Variants in XYLT2 observed in about 807,000 individuals in gnomAD.
The protein encoded by XYLT2 is UDP-D-xylose:proteoglycan core protein beta-D-xylosyltransferase.
In XYLT2, 37 loss-of-function variants were observed where a neutral mutation model predicts 82.6. The ratio of observed to expected loss-of-function variants is 0.45; its 90% CI spans 0.34 to 0.59. XYLT2 has a LOEUF of 0.59. Ranked by LOEUF, XYLT2 falls within the 20% of genes least tolerant of loss-of-function variation. The probability of loss-of-function intolerance (pLI) is 0.01; values close to 1 mark genes in which losing one functional copy is unlikely to be tolerated. For missense variants in XYLT2, 934 were observed against 1,181.3 expected (o/e 0.79, Z 3.07); for synonymous variants, 474 against 499.0 (o/e 0.95, Z 0.67).
rs377456488 is a variant in XYLT2 at position 50,356,609 on chromosome 17, C to T, written c.1581C>T (p.Pro527=). ...ACTTCCACCTGTATGGCAGCTACCC[C>T]CCCGGCACGCCAGCCCTCAAGGCCT... The part of the protein sequence containing the change: ...ILDFHLYGSY[P]PGTPALKAYW... Residue 527 remains proline, a synonymous_variant, in exon 8 of 11, where the codon CCC becomes CCT. Coordinates refer to ENST00000017003, the MANE Select transcript of XYLT2 (RefSeq NM_022167.4). 35 of 1,614,038 alleles carry T rather than the reference C, an allele frequency of 2.2e-5. No individual in the cohort carries two copies. The highest frequency in any genetic ancestry group is 3.3e-4 in the Middle Eastern group (2 of 6,084).
chr17:50,346,358 G>C lies in XYLT2; in HGVS notation c.135+83G>C, dbSNP rs1453737796. Reference sequence around the variant, plus strand: ...CGGGGCTGCGGGCGGCCCCAGCCGGGGAAGTGGGGCACGGGCCGCGTGCGT... The same window carrying C: ...CGGGGCTGCGGGCGGCCCCAGCCGGCGAAGTGGGGCACGGGCCGCGTGCGT... On this transcript the variant is annotated intron_variant, in intron 1 of 10. Transcript: ENST00000017003. This position sits in a 1 kb window ranked among gnomAD's most constrained non-coding sequence, Gnocchi z 5.1. The C allele has an allele frequency of 1.0e-6, 1 of 991,886 alleles. No individual in the cohort carries two copies. The highest frequency in any genetic ancestry group is 1.2e-6 in the Non-Finnish European group (1 of 834,738). 61.4% of individuals were successfully genotyped at this position (991,886 alleles called of 1,614,324 possible).
chr17:50,355,368 C>G, intron 4 of XYLT2, 133 bp from the exon 5 acceptor site: 2 of 982,396 alleles, frequency 2.0e-6, no homozygotes, highest in Admixed American at 2.1e-5. Flanking sequence ...GCTCACCACC[C>G]CAGACATCAG....
At position 50,357,248 on chromosome 17, in the gene XYLT2, T is replaced by G; in HGVS notation, c.1937T>G (p.Leu646Arg). 1 of 1,588,650 alleles carries G rather than the reference T, an allele frequency of 6.3e-7. No homozygotes were observed. The highest frequency in any genetic ancestry group is 1.1e-5 in the South Asian group (1 of 88,832). ...GACCAGGCCAGCCGGCTCCAGAGTC[T>G]GGAGGTGGGACAGGTCCCCCACTTG... is the stretch of plus-strand genomic sequence containing the variant. ...RSDQASRLQS[L>R]EVGTDWDPKE... is the part of the protein sequence containing the mutation. The change falls in exon 9 of 11, where the codon CTG (leucine) becomes CGG (arginine). Residue 646 changes from leucine to arginine, a missense_variant. By Grantham distance (102) the Leu-to-Arg change is moderately radical. Around this residue, in one of 3 missense-constraint regions of XYLT2, gnomAD observed 374 missense variants for 465.6 expected, o/e 0.80. Transcript: ENST00000017003.
At chr17:50,349,343 C>T (rs1912160249) in intron 1 of XYLT2, among the ~76,000 whole-genome samples, 1 of 152,158 alleles carries the variant, frequency 6.6e-6, no homozygotes, top group Non-Finnish European at 1.5e-5. Context: ...GATTCCCCAG[C>T]CTGTGGTGCC....
rs747525901 is a variant in XYLT2 at position 50,355,816 on chromosome 17, A to G, written c.1124A>G (p.His375Arg). The G allele has an allele frequency of 1.2e-6, 2 of 1,614,212 alleles. No homozygotes were observed. The highest frequency in any genetic ancestry group is 2.2e-5 in the South Asian group (2 of 91,084). The change falls in exon 6 of 11, where the codon CAT becomes CGT. Residue 375 changes from histidine to arginine, a missense_variant. Physicochemically the swap from His to Arg is conservative, Grantham distance 29. This residue lies in a region of XYLT2 where 189 missense variants were observed against 320.8 expected (regional missense o/e 0.59). Coordinates refer to ENST00000017003, the MANE Select transcript of XYLT2 (RefSeq NM_022167.4). ...AAACAGGGCCTGGACCGGCTCTTCC[A>G]TGAGTGCGACTCACACATGTGGCGC... is the stretch of plus-strand genomic sequence containing the variant. ...IKKQGLDRLFHECDSHMWRLG... is the reference protein window; with the variant it reads ...IKKQGLDRLFRECDSHMWRLG...
At position 50,356,703 on chromosome 17, in the gene XYLT2, A is replaced by C; in HGVS notation, c.1675A>C (p.Thr559Pro). 6.2e-7 allele frequency: 1 copy of C among 1,609,316 alleles called. No homozygotes were observed. Among genetic ancestry groups the C allele is most frequent in the Non-Finnish European group, 8.5e-7 (1 of 1,179,940 alleles). Reference sequence around the variant, plus strand: ...CAGTGATGTCATGCTCACTGCTTACACAGCCTTCGCCCGCCTCAGCCTGCA... The same window carrying C: ...CAGTGATGTCATGCTCACTGCTTACCCAGCCTTCGCCCGCCTCAGCCTGCA... The part of the protein sequence containing the change: ...GLSDVMLTAY[T>P]AFARLSLHHA... Residue 559 changes from threonine (T) to proline (P), a missense_variant, in exon 8 of 11, where the codon ACA becomes CCA. Around this residue, in one of 3 missense-constraint regions of XYLT2, gnomAD observed 374 missense variants for 465.6 expected, o/e 0.80. Coordinates refer to ENST00000017003, the MANE Select transcript of XYLT2 (RefSeq NM_022167.4).
chr17:50,360,803 A>C lies in XYLT2; in HGVS notation c.*512A>C. The stretch of plus-strand genomic sequence containing the variant: ...GTGGTGCTCGTGGCTGAGGCTCCAC[A>C]GGGCTGCAAGTGCCCTGCCAGGCTC... On this transcript the variant is annotated 3_prime_UTR_variant, in exon 11 of 11. Transcript: ENST00000017003. 8 of 986,136 alleles carry C rather than the reference A, an allele frequency of 8.1e-6. No homozygotes were observed. Among genetic ancestry groups the C allele is most frequent in the Non-Finnish European group, 9.6e-6 (8 of 830,192 alleles). 61.1% of individuals were successfully genotyped at this position (986,136 alleles called of 1,614,324 possible).
chr17:50,358,450 G>A lies in XYLT2; in HGVS notation c.2185G>A (p.Val729Ile), dbSNP rs1163244585. 1.2e-6 allele frequency: 2 copies of A among 1,614,060 alleles called. No homozygotes were observed. The highest frequency in any genetic ancestry group is 1.7e-6 in the Non-Finnish European group (2 of 1,180,050). The change falls in exon 10 of 11, where the codon GTT becomes ATT. Residue 729 changes from valine to isoleucine, a missense_variant. Physicochemically the swap from Val to Ile is conservative, Grantham distance 29. Transcript: ENST00000017003. ...GCCCCTGCGGCCAGGGCCCTGGACTGTTCGACTCCTTCAGTTCTGGGAACC... is the reference window on the plus strand; with the variant it reads ...GCCCCTGCGGCCAGGGCCCTGGACTATTCGACTCCTTCAGTTCTGGGAACC... The part of the protein sequence containing the change: ...SRPLRPGPWT[V>I]RLLQFWEPLG...
intron 1 of XYLT2, among the ~76,000 whole-genome samples, chr17:50,348,221 A>C (rs1338344904): frequency 2.0e-5 from 3 of 152,244 alleles, no homozygotes; most frequent in African/African-American, 7.2e-5. Context: ...ATGGACAGGT[A>C]ATCTACAGAG....
intron 2 of XYLT2, 134 bp downstream of exon 2, chr17:50,354,256 G>T: frequency 4.6e-6 from 7 of 1,509,628 alleles, no homozygotes; most frequent in Non-Finnish European, 6.2e-6. Flanking sequence ...TTCATCCAGT[G>T]TACTTACTAA....
At chr17:50,349,219 A>T (rs989921886) in intron 1 of XYLT2, among the ~76,000 whole-genome samples, 2 of 152,180 alleles carry the variant, frequency 1.3e-5, no homozygotes, top group Non-Finnish European at 2.9e-5. Flanking sequence ...GCTCTCTGCC[A>T]TCTACCCACC....
chr17:50,356,899 C>T (rs1382279826), intron 8 of XYLT2, 126 bp downstream of exon 8: 15 of 1,483,732 alleles, frequency 1.0e-5, no homozygotes, highest in Middle Eastern at 2.3e-4. Flanking sequence ...ATGCAAATAC[C>T]GAAAAGACGG....
chr17:50,355,945 C>G lies in XYLT2; in HGVS notation c.1253C>G (p.Pro418Arg), dbSNP rs72832454. 2 of 1,614,152 alleles carry G rather than the reference C, an allele frequency of 1.2e-6. No individual in the cohort carries two copies. Among genetic ancestry groups the G allele is most frequent in the Middle Eastern group, 1.6e-4 (1 of 6,062 alleles). The change falls in exon 6 of 11, where the codon CCG (proline) becomes CGG (arginine). Residue 418 changes from proline to arginine, a missense_variant. Around this residue, in one of 3 missense-constraint regions of XYLT2, gnomAD observed 189 missense variants for 320.8 expected, o/e 0.59. Transcript: ENST00000017003. ...FVEYVVYTDDPLVAQLRQFYT... is the reference protein window; with the variant it reads ...FVEYVVYTDDRLVAQLRQFYT... ...GAGTATGTGGTGTACACAGATGACC[C>G]GCTTGTGGCCCAGCTGCGCCAGTTC...
chr17:50,346,144 G>A lies in XYLT2; in HGVS notation c.4G>A (p.Val2Met). 8.0e-7 allele frequency: 1 copy of A among 1,256,334 alleles called. No individual in the cohort carries two copies. The highest frequency in any genetic ancestry group is 1.0e-6 in the Non-Finnish European group (1 of 975,740). 77.8% of individuals were successfully genotyped at this position (1,256,334 alleles called of 1,614,324 possible). M[V>M]ASARVQKLVR... ...GCCCCGCGTCCCGGGCAGGAAGATG[G>A]TGGCGAGCGCGCGAGTGCAGAAGCT... The change falls in exon 1 of 11, where the codon GTG (valine) becomes ATG (methionine). Residue 2 changes from valine to methionine, a missense_variant. Physicochemically the swap from Val to Met is conservative, Grantham distance 21 (BLOSUM62 1). Around this residue, in one of 3 missense-constraint regions of XYLT2, gnomAD observed 371 missense variants for 394.9 expected, o/e 0.94. Transcript: ENST00000017003. The surrounding 1 kb of genome is among the most constrained non-coding windows in gnomAD (Gnocchi z 5.1).
intron 1 of XYLT2, among the ~76,000 whole-genome samples, chr17:50,350,033 A>C (rs927915386): frequency 6.7e-6 from 1 of 149,250 alleles, no homozygotes; most frequent in Non-Finnish European, 1.5e-5. Flanking sequence ...AAATACAAAA[A>C]GTTGCCAGGC....
chr17:50,353,957 G>T lies in XYLT2; in HGVS notation c.463G>T (p.Asp155Tyr). The T allele has an allele frequency of 6.2e-7, 1 of 1,606,656 alleles. No homozygotes were observed. Reference protein sequence around the residue: ...GSVEGAPQPTDNGFTPKCEIV... With the variant: ...GSVEGAPQPTYNGFTPKCEIV... The stretch of plus-strand genomic sequence containing the variant: ...CGTGGAGGGCGCCCCCCAGCCCACG[G>T]ACAATGGCTTCACCCCCAAGTGCGA... The change falls in exon 2 of 11, where the codon GAC becomes TAC. Residue 155 changes from aspartate to tyrosine, a missense_variant. Physicochemically the swap from Asp to Tyr is radical, Grantham distance 160. Coordinates refer to ENST00000017003, the MANE Select transcript of XYLT2 (RefSeq NM_022167.4).
intron 1 of XYLT2, among the ~76,000 whole-genome samples, chr17:50,350,500 G>A (rs12603510): frequency 0.25 from 21,894 of 88,812 alleles, 3,841 homozygotes; most frequent in East Asian, 0.76. Flanking sequence ...CCAAGAGGCA[G>A]AGGTTGGAGT....
At chr17:50,355,742 C>A (rs767429381) in intron 5 of XYLT2, 39 bp from the exon 6 acceptor site, 19 of 1,610,440 alleles carry the variant, frequency 1.2e-5, no homozygotes, top group Non-Finnish European at 1.6e-5. Context: ...AGACCCCACC[C>A]TGCAGGATCC....
At chr17:50,357,008 A>G in intron 8 of XYLT2, 49 bp from the exon 9 acceptor site, 1 of 1,543,114 alleles carries the variant, frequency 6.5e-7, no homozygotes, top group South Asian at 1.3e-5. Flanking sequence ...ACTCCAGGCC[A>G]AGTCAGGTGT....
Sources: allele counts gnomAD v4.1 joint callset (sites outside exome capture counted in the v4.1 genomes callset), GRCh38; gene constraint gnomAD v4.1.1; regional missense constraint gnomAD v4.1.1; non-coding constraint Gnocchi (gnomAD v3.1); transcripts MANE v1.5; gene names NCBI Gene and HGNC (gene_info 2026-07-23, HGNC 2026-07-21).